The following CERS6 variants were observed in gnomAD, a reference collection of about 807,000 sequenced individuals.
CERS6 encodes the protein ceramide synthase 6.
Under a neutral mutation model 56.8 loss-of-function variants are expected in CERS6, and 26 were observed. That is an observed-to-expected ratio of 0.46 (90% CI 0.34 to 0.63). The LOEUF (loss-of-function observed/expected upper bound fraction) is 0.63, where lower values mean the gene tolerates loss of function less well. Among genes scored for constraint, CERS6 ranks in the 30% least tolerant of loss-of-function variants. The pLI, the probability that CERS6 is intolerant of heterozygous loss-of-function variation, is 0.01. For synonymous variants in CERS6, 164 were observed against 173.3 expected (o/e 0.95, Z 0.42); for missense variants, 415 against 467.5 (o/e 0.89, Z 1.04).
Position 168,547,449 on chromosome 2 carries a change from T to A in CERS6, c.171-147T>A. ...AAAACGGTTAAGTCTGCCTTACAGT[T>A]ACTGACAGGAGTGTTGACAATGTAC... On this transcript the variant is annotated intron_variant, in intron 1 of 9. Transcript: ENST00000305747. 4 of 567,140 alleles carry A rather than the reference T, an allele frequency of 7.1e-6. No individual in the cohort carries two copies. The South Asian group carries it at 8.5e-5, about 12-fold the overall frequency. The allele number at this position is 567,140 out of a possible 1,614,324, so 35.1% of individuals were successfully genotyped here. A position where few individuals can be genotyped will look rare whatever the true frequency, so the allele number is the denominator to read the frequency against.
chr2:168,659,112 T>C (rs1410385252), intron 4 of CERS6, among the ~76,000 whole-genome samples: 1 of 152,252 alleles, frequency 6.6e-6, no homozygotes, highest in Admixed American at 6.5e-5. Context: ...CTAGACATTA[T>C]AAATTTTCTT....
chr2:168,586,318 C>T (rs13029022), intron 3 of CERS6, among the ~76,000 whole-genome samples: 100,697 of 151,824 alleles, frequency 0.66, 38,275 homozygotes, highest in South Asian at 0.88. Context: ...AGTACTAAAA[C>T]AACGTTTCTT....
At chr2:168,598,253 T>C (rs1332743618) in intron 3 of CERS6, among the ~76,000 whole-genome samples, 1 of 152,234 alleles carries the variant, frequency 6.6e-6, no homozygotes, top group African/African-American at 2.4e-5. Context: ...GGAATACTTC[T>C]TTGTTCTAAA....
At chr2:168,649,085 G>A (rs987297704) in intron 4 of CERS6, among the ~76,000 whole-genome samples, 1 of 152,082 alleles carries the variant, frequency 6.6e-6, no homozygotes, top group Non-Finnish European at 1.5e-5. Flanking sequence ...ATGGTACTTA[G>A]GGGAGAGAAG....
At chr2:168,717,331 G>C (rs1687249371) in intron 7 of CERS6, among the ~76,000 whole-genome samples, 1 of 152,058 alleles carries the variant, frequency 6.6e-6, no homozygotes, top group African/African-American at 2.4e-5. Flanking sequence ...AGCCAGAAGA[G>C]CATCTCCCCA....
At chr2:168,569,415 G>C (rs1161953556) in intron 3 of CERS6, among the ~76,000 whole-genome samples, 2 of 152,232 alleles carry the variant, frequency 1.3e-5, no homozygotes, top group Non-Finnish European at 2.9e-5. Context: ...TGAAGTGCTG[G>C]AAGGAGGAAG....
At chr2:168,482,116 T>C (rs1330332940) in intron 1 of CERS6, among the ~76,000 whole-genome samples, 1 of 152,226 alleles carries the variant, frequency 6.6e-6, no homozygotes, top group Admixed American at 6.5e-5. Context: ...TCATAGTCTT[T>C]TAGGGAAAAA....
intron 9 of CERS6, among the ~76,000 whole-genome samples, chr2:168,766,754 G>T (rs1574231666): frequency 6.6e-6 from 1 of 152,326 alleles, no homozygotes; most frequent in African/African-American, 2.4e-5. Flanking sequence ...CTGAGCATCA[G>T]CTGTGGGCCT....
intron 1 of CERS6, among the ~76,000 whole-genome samples, chr2:168,483,325 G>A (rs1172948538): frequency 6.6e-6 from 1 of 151,694 alleles, no homozygotes; most frequent in East Asian, 1.9e-4. Context: ...TTTGCTTGGA[G>A]TGTAGAGTGG....
At chr2:168,506,359 A>G (rs528367843) in intron 1 of CERS6, among the ~76,000 whole-genome samples, 2 of 152,282 alleles carry the variant, frequency 1.3e-5, no homozygotes, top group East Asian at 1.9e-4. Context: ...GATAGTCTTA[A>G]TCAGCTCTGT....
intron 8 of CERS6, among the ~76,000 whole-genome samples, chr2:168,738,724 G>C (rs1315709415): frequency 6.6e-6 from 1 of 152,126 alleles, no homozygotes. Flanking sequence ...AAAAAGCTTA[G>C]GCACAGGGCT....
intron 1 of CERS6, among the ~76,000 whole-genome samples, chr2:168,518,823 G>T (rs537165855): frequency 5.3e-5 from 8 of 152,148 alleles, no homozygotes; most frequent in African/African-American, 1.9e-4. Flanking sequence ...GCCTTTCTCT[G>T]TTAACAGATG....
chr2:168,713,017 A>G (rs1485078584), intron 6 of CERS6, among the ~76,000 whole-genome samples: 4 of 151,930 alleles, frequency 2.6e-5, no homozygotes, highest in African/African-American at 7.3e-5. Context: ...ATAAGAGATC[A>G]TTTACTTATA....
At chr2:168,634,107 A>C (rs552398136) in intron 4 of CERS6, among the ~76,000 whole-genome samples, 1 of 152,228 alleles carries the variant, frequency 6.6e-6, no homozygotes, top group African/African-American at 2.4e-5. Flanking sequence ...GGAAGTAGAC[A>C]CTACAGAACA....
At chr2:168,519,442 T>C (rs1242882036) in intron 1 of CERS6, among the ~76,000 whole-genome samples, 1 of 152,168 alleles carries the variant, frequency 6.6e-6, no homozygotes, top group Non-Finnish European at 1.5e-5. Flanking sequence ...TGTGTGATGC[T>C]GAGGTTTGGG....
At chr2:168,538,485 G>A (rs1209923212) in intron 1 of CERS6, among the ~76,000 whole-genome samples, 1 of 152,112 alleles carries the variant, frequency 6.6e-6, no homozygotes, top group Non-Finnish European at 1.5e-5. Flanking sequence ...ACTTCCTTCA[G>A]GGTTCTGTGT....
chr2:168,721,136 C>A (rs1333207032), intron 8 of CERS6, among the ~76,000 whole-genome samples: 1 of 152,186 alleles, frequency 6.6e-6, no homozygotes, highest in Non-Finnish European at 1.5e-5. Context: ...CATCCCCTGG[C>A]AACCACTAAC....
At chr2:168,572,530 G>GTA (rs1453941439) in intron 3 of CERS6, among the ~76,000 whole-genome samples, 4 of 150,642 alleles carry the variant, frequency 2.7e-5, no homozygotes, top group Admixed American at 6.6e-5. Context: ...AATATTTTAC[G>GTA]TATATATATA....
In CERS6 at chr2:168,558,457, T is replaced by C. The variant is rs182221332; in HGVS notation, c.277-2735T>C. On this transcript the variant is annotated intron_variant, in intron 2 of 9. Coordinates refer to ENST00000305747, the MANE Select transcript of CERS6 (RefSeq NM_203463.3). Reference sequence around the variant, plus strand: ...TGAAAAGGAAATATTGCAATATACATTGTAAGGTAAAAAACCCAAAGCCCG... The same window carrying C: ...TGAAAAGGAAATATTGCAATATACACTGTAAGGTAAAAAACCCAAAGCCCG... Among the ~76,000 whole-genome samples the C allele has an allele frequency of 2.6e-3, 391 of 152,318 alleles. 1 individual carries two copies. The highest frequency in any genetic ancestry group is 4.4e-3 in the Non-Finnish European group (300 of 68,032).
Sources: allele counts gnomAD v4.1 joint callset (sites outside exome capture counted in the v4.1 genomes callset), GRCh38; gene constraint gnomAD v4.1.1; transcripts MANE v1.5; gene names NCBI Gene and HGNC (gene_info 2026-07-23, HGNC 2026-07-21).